NRXN3: variants seen among roughly 807,000 people sequenced by gnomAD.
The protein encoded by NRXN3 is neurexin 3, also known as neurexin III.
In NRXN3, 32 loss-of-function variants were observed where a neutral mutation model predicts 137.6. That is an observed-to-expected ratio of 0.23 (90% CI 0.18 to 0.31). The LOEUF is 0.31. NRXN3 is among the 10% of genes least tolerant of loss of function. NRXN3 has a pLI of 1.00. For synonymous variants in NRXN3, 798 were observed against 784.5 expected (o/e 1.02, Z -0.29); for missense variants, 1,574 against 2,062.5 (o/e 0.76, Z 4.59).
intron 15 of NRXN3, among the ~76,000 whole-genome samples, chr14:79,415,134 G>A (rs577073073): frequency 6.6e-6 from 1 of 152,082 alleles, no homozygotes; most frequent in South Asian, 2.1e-4. Flanking sequence ...CCATTCATCT[G>A]CACGGACACT....
chr14:78,778,736 C>CTG (rs2098755010), intron 8 of NRXN3, among the ~76,000 whole-genome samples: 1 of 94,868 alleles, frequency 1.1e-5, no homozygotes, highest in Non-Finnish European at 2.2e-5. Flanking sequence ...CTTTCTCTCT[C>CTG]TCTTTCTTTC....
At chr14:78,817,610 T>C (rs574578542) in intron 10 of NRXN3, among the ~76,000 whole-genome samples, 13 of 152,274 alleles carry the variant, frequency 8.5e-5, no homozygotes, top group African/African-American at 3.1e-4. Flanking sequence ...TTCATGCTGC[T>C]TCCACTCATG....
At chr14:78,448,531 A>G (rs1414754467) in intron 4 of NRXN3, among the ~76,000 whole-genome samples, 1 of 152,220 alleles carries the variant, frequency 6.6e-6, no homozygotes, top group East Asian at 1.9e-4. Flanking sequence ...TTCCTAGGCT[A>G]GTCCTGGTCT....
At chr14:78,888,145 A>T (rs983121248) in intron 10 of NRXN3, among the ~76,000 whole-genome samples, 1 of 151,998 alleles carries the variant, frequency 6.6e-6, no homozygotes, top group Admixed American at 6.6e-5. Context: ...CTGCCAAGTT[A>T]TAGTTCATCA....
intron 15 of NRXN3, among the ~76,000 whole-genome samples, chr14:79,174,718 G>T (rs1474925718): frequency 6.6e-6 from 1 of 151,274 alleles, no homozygotes. Context: ...CCCTATCAGG[G>T]ACTATTATGC....
At chr14:79,690,804 G>A (rs1000839759) in intron 17 of NRXN3, among the ~76,000 whole-genome samples, 12 of 152,098 alleles carry the variant, frequency 7.9e-5, no homozygotes, top group African/African-American at 2.9e-4. Context: ...ACTCCTATAT[G>A]GAGATGGCCC....
At chr14:78,578,010 T>A (rs566106908) in intron 4 of NRXN3, among the ~76,000 whole-genome samples, 4 of 152,310 alleles carry the variant, frequency 2.6e-5, no homozygotes, top group Admixed American at 2.0e-4. Flanking sequence ...AGAATGTTTT[T>A]TAAATGATTG....
intron 8 of NRXN3, among the ~76,000 whole-genome samples, chr14:78,762,183 G>A (rs1226139167): frequency 6.6e-6 from 1 of 152,098 alleles, no homozygotes; most frequent in Non-Finnish European, 1.5e-5. Context: ...ATGCATGACT[G>A]AACCTGTCTT....
intron 4 of NRXN3, among the ~76,000 whole-genome samples, chr14:78,575,766 C>G (rs1162390762): frequency 6.6e-6 from 1 of 151,990 alleles, no homozygotes; most frequent in Non-Finnish European, 1.5e-5. Flanking sequence ...GTGATAATTT[C>G]AAGTTTAGGT....
At chr14:78,533,289 T>C (rs2096494248) in intron 4 of NRXN3, among the ~76,000 whole-genome samples, 1 of 151,956 alleles carries the variant, frequency 6.6e-6, no homozygotes, top group African/African-American at 2.4e-5. Context: ...TTTCGCCACA[T>C]TGGTCAGGCT....
intron 8 of NRXN3, among the ~76,000 whole-genome samples, chr14:78,790,675 G>A (rs2098802636): frequency 1.3e-5 from 2 of 152,180 alleles, no homozygotes; most frequent in Non-Finnish European, 2.9e-5. Context: ...GCATGAATGA[G>A]CAGGAGAGTG....
chr14:79,128,603 A>G (rs1047767365), intron 15 of NRXN3, among the ~76,000 whole-genome samples: 2 of 152,044 alleles, frequency 1.3e-5, no homozygotes, highest in Admixed American at 6.6e-5. Flanking sequence ...GGATTTTTGC[A>G]TCAATGTTCA....
chr14:79,219,190 A>G (rs912598061), intron 15 of NRXN3, among the ~76,000 whole-genome samples: 1 of 152,174 alleles, frequency 6.6e-6, no homozygotes, highest in East Asian at 1.9e-4. Flanking sequence ...TGGCATGATC[A>G]TAGCTCACTG....
At position 78,640,293 on chromosome 14, in the gene NRXN3, G is replaced by C. The variant is rs77382605; in HGVS notation, c.758-4827G>C. Among the ~76,000 whole-genome samples, 1,518 of 152,280 alleles carry C rather than the reference G, an allele frequency of 1.0e-2. 30 individuals are homozygous for C. The highest frequency in any genetic ancestry group is 0.035 in the African/African-American group (1,458 of 41,556). ...AAGTAGTTCAAATGTATTTCTAAAA[G>C]ATTATGCAATCTCTTAAAAATACAG... is the stretch of plus-strand genomic sequence containing the variant. On this transcript the variant is annotated intron_variant, in intron 4 of 20. Coordinates refer to ENST00000335750, the MANE Select transcript of NRXN3 (RefSeq NM_001330195.2).
At chr14:78,225,983 GTGTGTGTGT>G (rs2064576486) in intron 1 of NRXN3, among the ~76,000 whole-genome samples, 3 of 130,200 alleles carry the variant, frequency 2.3e-5, no homozygotes, top group African/African-American at 1.0e-4. Flanking sequence ...TGGTGTGTGT[GTGTGTGTGT>G]GTGTGTGTGT....
intron 4 of NRXN3, among the ~76,000 whole-genome samples, chr14:78,494,968 A>G (rs2153752365): frequency 6.6e-6 from 1 of 152,232 alleles, no homozygotes; most frequent in Non-Finnish European, 1.5e-5. Flanking sequence ...CTCTGAAGAA[A>G]AGCAGGATGG....
At chr14:78,430,830 A>G (rs2093849567) in intron 4 of NRXN3, among the ~76,000 whole-genome samples, 1 of 152,112 alleles carries the variant, frequency 6.6e-6, no homozygotes, top group African/African-American at 2.4e-5. Flanking sequence ...CTTGGTACTG[A>G]CCTTGTAAAG....
At chr14:78,651,864 T>G (rs2097748091) in intron 6 of NRXN3, among the ~76,000 whole-genome samples, 2 of 152,182 alleles carry the variant, frequency 1.3e-5, no homozygotes, top group Non-Finnish European at 2.9e-5. Context: ...TTGTGGGAGC[T>G]ACAATTCAAG....
At chr14:78,808,675 G>A (rs1037667189) in intron 9 of NRXN3, among the ~76,000 whole-genome samples, 1 of 151,974 alleles carries the variant, frequency 6.6e-6, no homozygotes, top group Non-Finnish European at 1.5e-5. Context: ...AAACCTAACC[G>A]CACGAAACCA....
Sources: gnomAD v4.1 joint callset for allele counts (sites outside exome capture counted in the v4.1 genomes callset) on GRCh38, gnomAD v4.1.1 for gene constraint, MANE v1.5 for transcripts, NCBI Gene and HGNC (gene_info 2026-07-23, HGNC 2026-07-21) for gene names.